AGAP1: variants seen among roughly 807,000 people sequenced by gnomAD.
AGAP1 encodes ArfGAP with GTPase domain, ankyrin repeat and PH domain 1, also known as arf-GAP with GTPase, ANK repeat and PH domain-containing protein 1.
AGAP1 carries 29 observed loss-of-function variants against 105.3 expected under a neutral mutation model. The ratio of observed to expected loss-of-function variants is 0.28; its 90% CI spans 0.21 to 0.38. AGAP1 has a LOEUF of 0.38. AGAP1 is among the 10% of genes least tolerant of loss of function. The probability of loss-of-function intolerance (pLI) is 1.00; values close to 1 mark genes in which losing one functional copy is unlikely to be tolerated. For synonymous variants in AGAP1, 509 were observed against 485.9 expected, an observed-to-expected ratio of 1.05 and a Z score of -0.63; for missense variants, 998 against 1,165.1, an observed-to-expected ratio of 0.86 and a Z score of 2.09.
chr2:235,679,709 T>C (rs1406055575), intron 1 of AGAP1, among the ~76,000 whole-genome samples: 1 of 152,202 alleles, frequency 6.6e-6, no homozygotes. Context: ...ATCCCTGCTG[T>C]GCCTTCTCCT....
intron 17 of AGAP1, among the ~76,000 whole-genome samples, chr2:236,122,545 C>T (rs1576355695): frequency 1.3e-5 from 2 of 152,148 alleles, no homozygotes; most frequent in African/African-American, 4.8e-5. Context: ...TTTTCATGAG[C>T]AAAAAGCTTA....
rs2057336983 is a variant in AGAP1, at chr2:236,035,019, A to C, written c.1646-1542A>C. The stretch of plus-strand genomic sequence containing the variant: ...GTGGGGAAAGGGTGAGTGGGGTGGC[A>C]CGTCCTCACGTCCCAGGCTGCAGGC... On this transcript the variant is annotated intron_variant, in intron 13 of 17. Transcript: ENST00000304032. The surrounding 1 kb of genome is among the most constrained non-coding windows in gnomAD (Gnocchi z 4.2). Among the ~76,000 whole-genome samples, 2 of 152,130 alleles carry C rather than the reference A, an allele frequency of 1.3e-5. No homozygotes were observed. The highest frequency in any genetic ancestry group is 4.8e-5 in the African/African-American group (2 of 41,432).
At chr2:235,821,844 C>G (rs568802003) in intron 9 of AGAP1, among the ~76,000 whole-genome samples, 11 of 152,292 alleles carry the variant, frequency 7.2e-5, no homozygotes, top group Middle Eastern at 3.4e-3. Flanking sequence ...TTCCTCAAGT[C>G]TTATGTCCAT....
chr2:235,795,524 G>A (rs544552317), intron 6 of AGAP1, among the ~76,000 whole-genome samples: 32 of 152,072 alleles, frequency 2.1e-4, no homozygotes, highest in African/African-American at 6.7e-4. Flanking sequence ...TCCCTTATTC[G>A]TATGGGTTAC....
intron 1 of AGAP1, among the ~76,000 whole-genome samples, chr2:235,616,080 G>A (rs1946297322): frequency 6.6e-6 from 1 of 152,132 alleles, no homozygotes; most frequent in African/African-American, 2.4e-5. Context: ...GGTGACTTCT[G>A]GGCCGGATGC....
At chr2:235,881,868 A>G (rs1295493266) in intron 9 of AGAP1, among the ~76,000 whole-genome samples, 1 of 152,240 alleles carries the variant, frequency 6.6e-6, no homozygotes, top group East Asian at 1.9e-4. Context: ...TGATTTCATT[A>G]AAAATGAATT....
At position 235,888,718 on chromosome 2, in the gene AGAP1, A is replaced by AAG. The variant is rs1483843952; in HGVS notation, c.1155+5270_1155+5271insGA. ...AGACCCTGTCTTTAAAAAAAAAAAA[A>AAG]AAGTTGATAGAGGCAGGTACAGCAT... On this transcript the variant is annotated intron_variant, in intron 10 of 17. Transcript: ENST00000304032. The surrounding 1 kb of genome is among the most constrained non-coding windows in gnomAD (Gnocchi z 4.8). Among the ~76,000 whole-genome samples, 6 of 151,972 alleles carry AAG rather than the reference A, an allele frequency of 3.9e-5. No individual in the cohort carries two copies. The highest frequency in any genetic ancestry group is 1.2e-4 in the African/African-American group (5 of 41,404).
intron 16 of AGAP1, among the ~76,000 whole-genome samples, chr2:236,118,407 C>G (rs1298293494): frequency 3.6e-5 from 2 of 56,246 alleles, no homozygotes; most frequent in African/African-American, 7.0e-5. Context: ...TTTTTTTTTT[C>G]GAGATGGAGT....
chr2:235,942,507 G>A (rs753824094), intron 12 of AGAP1, among the ~76,000 whole-genome samples: 5 of 151,850 alleles, frequency 3.3e-5, no homozygotes, highest in African/African-American at 9.7e-5. Context: ...GAGATACCCC[G>A]TCTCTGCTAA....
chr2:235,772,669 C>T (rs1285775996), intron 6 of AGAP1, among the ~76,000 whole-genome samples: 1 of 152,224 alleles, frequency 6.6e-6, no homozygotes. Context: ...GTGTCTGTAG[C>T]TTGGGCCTAA....
Position 235,787,695 on chromosome 2 carries a change from C to A in AGAP1, c.674-10064C>A, listed in dbSNP as rs1956735611. ...ATGCTATAAAGCATAGTAAAGAAAC[C>A]TTCCTTGACACATTAAAGGGAAAAG... is the stretch of plus-strand genomic sequence containing the variant. On this transcript the variant is annotated intron_variant, in intron 6 of 17. Transcript: ENST00000304032. This position sits in a 1 kb window ranked among gnomAD's most constrained non-coding sequence, Gnocchi z 4.4. Among the ~76,000 whole-genome samples the A allele has an allele frequency of 6.6e-6, 1 of 152,180 alleles. No homozygotes were observed.
chr2:235,925,981 T>C (rs2052427986), intron 11 of AGAP1, among the ~76,000 whole-genome samples: 1 of 152,198 alleles, frequency 6.6e-6, no homozygotes, highest in Non-Finnish European at 1.5e-5. Flanking sequence ...CTCGAGTACT[T>C]TGAGTGAGAA....
chr2:235,762,535 A>C (rs1235451891), intron 6 of AGAP1, among the ~76,000 whole-genome samples: 1 of 152,154 alleles, frequency 6.6e-6, no homozygotes, highest in Non-Finnish European at 1.5e-5. Flanking sequence ...ATATAAGCAA[A>C]AGTCAGCTGG....
chr2:235,719,794 A>G lies in AGAP1; in HGVS notation c.310+2150A>G, dbSNP rs1951292070. On this transcript the variant is annotated intron_variant, in intron 3 of 17. Transcript: ENST00000304032. This position sits in a 1 kb window ranked among gnomAD's most constrained non-coding sequence, Gnocchi z 4.9. ...CACCTTTTGACTCGAGGTCCCAGGG[A>G]TTGTTCTGTGGGAGTGTGAGGAGCT... is the stretch of plus-strand genomic sequence containing the variant. Among the ~76,000 whole-genome samples, 1 of 152,084 alleles carries G rather than the reference A, an allele frequency of 6.6e-6. No homozygotes were observed. Among genetic ancestry groups the G allele is most frequent in the Non-Finnish European group, 1.5e-5 (1 of 68,010 alleles).
Position 235,621,953 on chromosome 2 carries a change from T to A in AGAP1, c.164-87226T>A, listed in dbSNP as rs1946498096. 6.6e-6 allele frequency among the ~76,000 whole-genome samples: 1 copy of A among 151,968 alleles called. No homozygotes were observed. Among genetic ancestry groups the A allele is most frequent in the South Asian group, 2.1e-4 (1 of 4,790 alleles). ...CACTGTGTGGATGTTTCTGACGGCC[T>A]CTTACAGACTCTGTCCTTTTTGTTG... On this transcript the variant is annotated intron_variant, in intron 1 of 17. Coordinates refer to ENST00000304032, the MANE Select transcript of AGAP1 (RefSeq NM_001037131.3). This position sits in a 1 kb window ranked among gnomAD's most constrained non-coding sequence, Gnocchi z 4.1.
intron 16 of AGAP1, among the ~76,000 whole-genome samples, chr2:236,072,998 ATTC>A (rs901761204): frequency 4.0e-5 from 6 of 151,052 alleles, no homozygotes; most frequent in African/African-American, 1.5e-4. Context: ...AGATATTTAT[ATTC>A]TTTTTTTTTT....
At chr2:235,564,078 A>G (rs1944259149) in intron 1 of AGAP1, among the ~76,000 whole-genome samples, 1 of 152,182 alleles carries the variant, frequency 6.6e-6, no homozygotes, top group Non-Finnish European at 1.5e-5. Context: ...ACCAGTCAAT[A>G]GGTCTTCCTC....
Position 235,701,643 on chromosome 2 carries a change from GA to G in AGAP1, c.164-7533del, listed in dbSNP as rs1327379242. Among the ~76,000 whole-genome samples, 1 of 152,182 alleles carries G rather than the reference GA, an allele frequency of 6.6e-6. No homozygotes were observed. Among genetic ancestry groups the G allele is most frequent in the African/African-American group, 2.4e-5 (1 of 41,450 alleles). ...TAGGGATTCAAGGATTTCCAAATAA[GA>G]AATTAAATCCTACCATTGAAACTGT... On this transcript the variant is annotated intron_variant, in intron 1 of 17. Transcript: ENST00000304032. This position sits in a 1 kb window ranked among gnomAD's most constrained non-coding sequence, Gnocchi z 4.1.
chr2:235,543,839 T>TG (rs1017168033), intron 1 of AGAP1, among the ~76,000 whole-genome samples: 4 of 152,116 alleles, frequency 2.6e-5, no homozygotes, highest in African/African-American at 9.7e-5. Context: ...GGCTGTACTT[T>TG]GGGGTATCCA....
Sources: gnomAD v4.1 joint callset for allele counts (sites outside exome capture counted in the v4.1 genomes callset) on GRCh38, gnomAD v4.1.1 for gene constraint, Gnocchi (gnomAD v3.1) non-coding constraint, MANE v1.5 for transcripts, NCBI Gene and HGNC (gene_info 2026-07-23, HGNC 2026-07-21) for gene names.